The following ME1 variants were observed in gnomAD, a reference collection of about 807,000 sequenced individuals.
The protein encoded by ME1 is malic enzyme 1.
A neutral mutation model predicts 66.4 loss-of-function variants in ME1; 74 were observed. That is an observed-to-expected ratio of 1.11 (90% CI 0.92 to 1.35). ME1 has a LOEUF of 1.35. Among genes scored for constraint, ME1 ranks in the 40% most tolerant of loss-of-function variants. The pLI, the probability that ME1 is intolerant of heterozygous loss-of-function variation, is 0.00. For missense variants in ME1, 750 were observed against 694.1 expected, an observed-to-expected ratio of 1.08 and a Z score of -0.90; for synonymous variants, 251 against 235.6, an observed-to-expected ratio of 1.07 and a Z score of -0.60.
rs1789867779 is a variant in ME1 at position 83,211,382 on chromosome 6, G to T, written c.*542C>A. 1 of 152,624 alleles carries T rather than the reference G, an allele frequency of 6.6e-6. No homozygotes were observed. Among genetic ancestry groups the T allele is most frequent in the South Asian group, 2.1e-4 (1 of 4,836 alleles). The allele number at this position is 152,624 out of a possible 1,614,324, so 9.5% of individuals were successfully genotyped here. On this transcript the variant is annotated 3_prime_UTR_variant, in exon 14 of 14. Coordinates refer to ENST00000369705, the MANE Select transcript of ME1 (RefSeq NM_002395.6). ...GTAAACAGCAGTGATCTTTCTCTTA[G>T]AACTGTTAGAATTCCGTTGCACAAA...
chr6:83,227,267 A>C, intron 11 of ME1, 68 bp downstream of exon 11: 1 of 1,130,260 alleles, frequency 8.8e-7, no homozygotes, highest in South Asian at 2.8e-5. Context: ...AGCACCTTAG[A>C]TATCCTAGGC....
intron 5 of ME1, among the ~76,000 whole-genome samples, chr6:83,332,216 C>G (rs932938619): frequency 6.6e-5 from 10 of 151,786 alleles, no homozygotes; most frequent in African/African-American, 9.7e-5. Flanking sequence ...TCCATCTAAA[C>G]AAAATCAAAA....
In ME1 at chr6:83,373,230, T is replaced by C. The variant is rs140213103; in HGVS notation, c.363-21091A>G. ...AGACCACCAAACCAAGCATTTTTAG[T>C]AACATGTATTTGTTTTTTTTTCTTC... On this transcript the variant is annotated intron_variant, in intron 3 of 13. Coordinates refer to ENST00000369705, the MANE Select transcript of ME1 (RefSeq NM_002395.6). Among the ~76,000 whole-genome samples the C allele has an allele frequency of 7.2e-3, 1,028 of 142,066 alleles. 9 individuals carry two copies. Among genetic ancestry groups the C allele is most frequent in the Middle Eastern group, 0.011 (3 of 266 alleles). The allele number at this position is 142,066 out of a possible 152,430, so 93.2% of individuals were successfully genotyped here.
At chr6:83,276,779 A>T (rs562602856) in intron 6 of ME1, among the ~76,000 whole-genome samples, 2 of 152,332 alleles carry the variant, frequency 1.3e-5, no homozygotes, top group South Asian at 2.1e-4. Flanking sequence ...GACAAAAAAA[A>T]TTTTAAAGGT....
intron 1 of ME1, among the ~76,000 whole-genome samples, chr6:83,424,754 C>T (rs1770336734): frequency 6.6e-6 from 1 of 152,128 alleles, no homozygotes; most frequent in Non-Finnish European, 1.5e-5. Flanking sequence ...GCGTCACACA[C>T]TGGGTGGCTT....
At chr6:83,370,621 G>T (rs1163915170) in intron 3 of ME1, among the ~76,000 whole-genome samples, 1 of 151,998 alleles carries the variant, frequency 6.6e-6, no homozygotes, top group African/African-American at 2.4e-5. Context: ...TAATTACTTA[G>T]TCTCACATTT....
chr6:83,251,340 C>G (rs1032346478), intron 7 of ME1, among the ~76,000 whole-genome samples: 8 of 151,792 alleles, frequency 5.3e-5, no homozygotes, highest in African/African-American at 1.7e-4. Context: ...ACTAAAAATA[C>G]AAAAATTAGC....
At chr6:83,397,478 A>T (rs1769758066) in intron 3 of ME1, among the ~76,000 whole-genome samples, 1 of 152,180 alleles carries the variant, frequency 6.6e-6, no homozygotes, top group Non-Finnish European at 1.5e-5. Flanking sequence ...AACAATAAGT[A>T]TTGGCGAGGA....
intron 6 of ME1, among the ~76,000 whole-genome samples, chr6:83,295,118 C>T (rs1230981393): frequency 6.6e-6 from 1 of 152,160 alleles, no homozygotes; most frequent in African/African-American, 2.4e-5. Context: ...TAAGTGCCAC[C>T]TACTGGATCA....
At chr6:83,283,505 G>A (rs1176953610) in intron 6 of ME1, among the ~76,000 whole-genome samples, 3 of 151,906 alleles carry the variant, frequency 2.0e-5, no homozygotes, top group African/African-American at 7.3e-5. Flanking sequence ...AGGTTGATGG[G>A]TGCAGCAAAC....
chr6:83,246,489 C>G (rs1010434291), intron 7 of ME1, among the ~76,000 whole-genome samples: 28 of 152,086 alleles, frequency 1.8e-4, no homozygotes, highest in Admixed American at 1.8e-3. Context: ...TCCATACCTA[C>G]TATTTTAACA....
chr6:83,301,314 T>TCTC (rs1767714518), intron 6 of ME1, among the ~76,000 whole-genome samples: 1 of 141,306 alleles, frequency 7.1e-6, no homozygotes, highest in Non-Finnish European at 1.6e-5. Context: ...CTTTCTTTCT[T>TCTC]TCTCTCTCTC....
chr6:83,244,525 A>AT (rs1259387369), intron 7 of ME1, among the ~76,000 whole-genome samples: 3 of 152,068 alleles, frequency 2.0e-5, no homozygotes, highest in Non-Finnish European at 4.4e-5. Context: ...GTGTTTAAAG[A>AT]TTTTAAATTC....
intron 9 of ME1, among the ~76,000 whole-genome samples, chr6:83,230,658 G>A (rs1363538586): frequency 4.6e-5 from 7 of 152,278 alleles, no homozygotes; most frequent in African/African-American, 1.7e-4. Flanking sequence ...TAGGCCAGGC[G>A]CAGTGGCTCA....
At chr6:83,262,686 G>C (rs190980588) in intron 6 of ME1, among the ~76,000 whole-genome samples, 1 of 152,152 alleles carries the variant, frequency 6.6e-6, no homozygotes, top group Admixed American at 6.5e-5. Context: ...CCTCAGAGAT[G>C]ATTTAGCAAT....
chr6:83,415,162 T>C (rs1027935654), intron 1 of ME1, among the ~76,000 whole-genome samples: 1 of 152,192 alleles, frequency 6.6e-6, no homozygotes, highest in African/African-American at 2.4e-5. Context: ...ACCAGAAAGA[T>C]CAGAATTATA....
chr6:83,427,055 C>G (rs945535761), intron 1 of ME1, among the ~76,000 whole-genome samples: 2 of 152,056 alleles, frequency 1.3e-5, no homozygotes, highest in Admixed American at 6.5e-5. Context: ...AAACACAACT[C>G]ATCTATATTA....
intron 6 of ME1, among the ~76,000 whole-genome samples, chr6:83,285,136 T>G (rs1053673811): frequency 6.6e-6 from 1 of 152,176 alleles, no homozygotes; most frequent in African/African-American, 2.4e-5. Context: ...CAAAACTGAT[T>G]AATACGACAA....
At chr6:83,315,194 A>AT in intron 6 of ME1, 116 bp downstream of exon 6, 1 of 646,644 alleles carries the variant, frequency 1.5e-6, no homozygotes, top group Non-Finnish European at 2.7e-6. Flanking sequence ...GGATATATGC[A>AT]TTTTTCATTC....
Sources: allele counts gnomAD v4.1 joint callset (sites outside exome capture counted in the v4.1 genomes callset), GRCh38; gene constraint gnomAD v4.1.1; transcripts MANE v1.5; gene names NCBI Gene and HGNC (gene_info 2026-07-23, HGNC 2026-07-21).